The following SLC38A7 variants were observed in gnomAD, a reference collection of about 807,000 sequenced individuals.
The protein encoded by SLC38A7 is solute carrier family 38 member 7, also known as sodium-coupled neutral amino acid transporter 7.
Under a neutral mutation model 50.1 loss-of-function variants are expected in SLC38A7, and 29 were observed. The ratio of observed to expected loss-of-function variants is 0.58; its 90% CI spans 0.43 to 0.79. SLC38A7 has a LOEUF of 0.79. Among genes scored for constraint, SLC38A7 ranks in the 30% least tolerant of loss-of-function variants. SLC38A7 has a pLI of 0.00. For synonymous variants in SLC38A7, 244 were observed against 245.9 expected, an observed-to-expected ratio of 0.99 and a Z score of 0.07; for missense variants, 483 against 610.6, an observed-to-expected ratio of 0.79 and a Z score of 2.20.
At chr16:58,670,609 A>G (rs1310054942) in intron 10 of SLC38A7, among the ~76,000 whole-genome samples, 1 of 152,180 alleles carries the variant, frequency 6.6e-6, no homozygotes, top group Non-Finnish European at 1.5e-5. Context: ...CTGTGTCTGG[A>G]ACCCAGGTTC....
chr16:58,679,465 A>G (rs2044340283), intron 3 of SLC38A7: 2 of 466,850 alleles, frequency 4.3e-6, no homozygotes, highest in Non-Finnish European at 3.8e-6. Flanking sequence ...TGATCAATGC[A>G]TGGCCAACTT....
At chr16:58,669,778 C>T (rs951601800) in intron 11 of SLC38A7, among the ~76,000 whole-genome samples, 7 of 117,990 alleles carry the variant, frequency 5.9e-5, no homozygotes, top group East Asian at 5.1e-4. Flanking sequence ...AGTTCGAGAC[C>T]GGCCTGGCCA....
rs781390038 is a variant in SLC38A7 at position 58,667,386 on chromosome 16, T to A, written c.1388A>T (p.Ter463LeuextTer103). The stretch of plus-strand genomic sequence containing the variant: ...CTTGTGTTCCCTGGGAGGCAGTGGT[T>A]ATGCCAAGAGATCCACAAAGATGGC... ...ANAIFVDLLA[*>L] Residue 463 changes from the stop codon to leucine (L), a stop_lost, in exon 12 of 12, where the codon TAA (stop) becomes TTA (leucine). Transcript: ENST00000219320. 1 of 1,614,024 alleles carries A rather than the reference T, an allele frequency of 6.2e-7. No homozygotes were observed. Among genetic ancestry groups the A allele is most frequent in the Non-Finnish European group, 8.5e-7 (1 of 1,180,016 alleles).
rs759350057 is a variant in SLC38A7, at chr16:58,680,113, C to T, written c.14G>A (p.Ser5Asn). ...CCACTCGCTGTAGTCATTGTTGATG[C>T]TGACCTGGGCCATGGCCCCGAGAGC... MAQV[S>N]INNDYSEWDL... The change falls in exon 3 of 12, where the codon AGC (serine) becomes AAC (asparagine). Residue 5 changes from serine (S) to asparagine (N), a missense_variant. By Grantham distance (46) the Ser-to-Asn change is conservative. Coordinates refer to ENST00000219320, the MANE Select transcript of SLC38A7 (RefSeq NM_018231.3). 1.8e-5 allele frequency: 27 copies of T among 1,526,036 alleles called. No homozygotes were observed. In the South Asian group the frequency reaches 3.5e-4, roughly 20 times the overall value. The allele number at this position is 1,526,036 out of a possible 1,614,324, so 94.5% of individuals were successfully genotyped here.
chr16:58,675,347 A>G lies in SLC38A7; in HGVS notation c.883+593T>C, dbSNP rs1044870821. ...CATAGTGAGACCTTGTCTCTGCTAG[A>G]AAAAAAAAAAAAAAAAAATTAGCTG... On this transcript the variant is annotated intron_variant, in intron 8 of 11. Coordinates refer to ENST00000219320, the MANE Select transcript of SLC38A7 (RefSeq NM_018231.3). The G allele has an allele frequency of 3.5e-5, 4 of 113,766 alleles. No homozygotes were observed. In the East Asian group the frequency reaches 5.6e-4, roughly 16 times the overall value. 7.0% of individuals were successfully genotyped at this position (113,766 alleles called of 1,614,324 possible).
In SLC38A7 at chr16:58,678,723, T is replaced by C; in HGVS notation, c.442A>G (p.Ile148Val). The change falls in exon 4 of 12, where the codon ATC becomes GTC. Residue 148 changes from isoleucine (I) to valine (V), a missense_variant. Transcript: ENST00000219320. The surrounding 1 kb of genome is among the most constrained non-coding windows in gnomAD (Gnocchi z 4.0). The part of the protein sequence containing the change: ...YTFGTCIAFL[I>V]IIGDQQDKII... Reference sequence around the variant, plus strand: ...TTGTCCTGCTGGTCGCCAATGATGATTAGGAAGGCAATGCAGGTGCCAAAG... The same window carrying C: ...TTGTCCTGCTGGTCGCCAATGATGACTAGGAAGGCAATGCAGGTGCCAAAG... 1 of 1,614,038 alleles carries C rather than the reference T, an allele frequency of 6.2e-7. No individual in the cohort carries two copies. Among genetic ancestry groups the C allele is most frequent in the Non-Finnish European group, 8.5e-7 (1 of 1,179,994 alleles).
chr16:58,678,543 G>T lies in SLC38A7; in HGVS notation c.470-69C>A. 6.4e-7 allele frequency: 1 copy of T among 1,551,056 alleles called. No homozygotes were observed. On this transcript the variant is annotated intron_variant, in intron 4 of 11. Coordinates refer to ENST00000219320, the MANE Select transcript of SLC38A7 (RefSeq NM_018231.3). This position sits in a 1 kb window ranked among gnomAD's most constrained non-coding sequence, Gnocchi z 4.0. ...GGGTGTGGCCCTCCTGCTCTGCTGG[G>T]CCCCAGGACCTCCCTCTGCCTGGAG...
At chr16:58,673,368 T>G (rs1299294741) in intron 8 of SLC38A7, among the ~76,000 whole-genome samples, 1 of 151,954 alleles carries the variant, frequency 6.6e-6, no homozygotes, top group Non-Finnish European at 1.5e-5. Context: ...CCCGAGTAGC[T>G]GGGATTACAG....
chr16:58,671,149 A>G lies in SLC38A7; in HGVS notation c.1127T>C (p.Val376Ala). ...ERRRRVLQTLVWFLLTLLLAL... is the reference protein window; with the variant it reads ...ERRRRVLQTLAWFLLTLLLAL... Reference sequence around the variant, plus strand: ...CAGCAGCAGGGTGAGCAGGAACCAGACCAGCGTCTGCAGCACTCGCCGCCG... The same window carrying G: ...CAGCAGCAGGGTGAGCAGGAACCAGGCCAGCGTCTGCAGCACTCGCCGCCG... Residue 376 changes from valine to alanine, a missense_variant, in exon 10 of 12, where the codon GTC (valine) becomes GCC (alanine). Transcript: ENST00000219320. The G allele has an allele frequency of 6.2e-7, 1 of 1,613,918 alleles. No homozygotes were observed. The highest frequency in any genetic ancestry group is 8.5e-7 in the Non-Finnish European group (1 of 1,179,922).
chr16:58,676,403 C>A (rs2044267909), intron 6 of SLC38A7, 57 bp from the exon 7 acceptor site: 1 of 1,588,970 alleles, frequency 6.3e-7, no homozygotes, highest in African/African-American at 1.3e-5. Flanking sequence ...CCACAACCCA[C>A]CCCACGCCCT....
Position 58,679,704 on chromosome 16 carries a change from G to C in SLC38A7, c.270+153C>G, listed in dbSNP as rs780996241. On this transcript the variant is annotated intron_variant, in intron 3 of 11. Coordinates refer to ENST00000219320, the MANE Select transcript of SLC38A7 (RefSeq NM_018231.3). ...GAAGCCTCATTTGGGTCACAGGAAA[G>C]AATACTAGAATAGATTAGTCATGTC... 4.4e-5 allele frequency: 44 copies of C among 1,000,924 alleles called. No individual in the cohort carries two copies. In the African/African-American group the frequency reaches 5.6e-4, roughly 13 times the overall value. The allele number at this position is 1,000,924 out of a possible 1,614,324, so 62.0% of individuals were successfully genotyped here.
intron 6 of SLC38A7, 77 bp from the exon 7 acceptor site, chr16:58,676,423 G>C: frequency 6.6e-7 from 1 of 1,516,622 alleles, no homozygotes; most frequent in Non-Finnish European, 9.1e-7. Flanking sequence ...TCACTCTTCG[G>C]TCAGCCCACC....
At chr16:58,670,503 GC>G (rs2044138283) in intron 10 of SLC38A7, among the ~76,000 whole-genome samples, 1 of 152,246 alleles carries the variant, frequency 6.6e-6, no homozygotes, top group African/African-American at 2.4e-5. Context: ...AGCAGCTGGG[GC>G]TTTCAGGGTG....
At chr16:58,673,493 G>T (rs2044197264) in intron 8 of SLC38A7, among the ~76,000 whole-genome samples, 1 of 151,840 alleles carries the variant, frequency 6.6e-6, no homozygotes, top group African/African-American at 2.4e-5. Flanking sequence ...CTCGGGAAGT[G>T]CTGGGATTAC....
At position 58,680,153 on chromosome 16, in the gene SLC38A7, G is replaced by T; in HGVS notation, c.-27C>A. 1 of 1,509,664 alleles carries T rather than the reference G, an allele frequency of 6.6e-7. No homozygotes were observed. Among genetic ancestry groups the T allele is most frequent in the Non-Finnish European group, 8.9e-7 (1 of 1,129,166 alleles). 93.5% of individuals were successfully genotyped at this position (1,509,664 alleles called of 1,614,324 possible). ...GCCCCGAGAGCCTTCTTCCTGCAAG[G>T]TCTGTGGGTTCTGCCTTACAACCAC... On this transcript the variant is annotated 5_prime_UTR_variant, in exon 3 of 12. Coordinates refer to ENST00000219320, the MANE Select transcript of SLC38A7 (RefSeq NM_018231.3).
intron 5 of SLC38A7, chr16:58,677,718 T>A: frequency 2.5e-6 from 1 of 402,768 alleles, no homozygotes; most frequent in Non-Finnish European, 4.7e-6. Flanking sequence ...AAAGCACACC[T>A]GGGACTTGAA....
rs1448638567 is a variant in SLC38A7 at position 58,667,351 on chromosome 16, T to C, written c.*34A>G. ...CTAAGAGATGGGTTCCTGCGACCAA[T>C]GGCAAAGGCCTTGTGTTCCCTGGGA... is the stretch of plus-strand genomic sequence containing the variant. On this transcript the variant is annotated 3_prime_UTR_variant, in exon 12 of 12. Coordinates refer to ENST00000219320, the MANE Select transcript of SLC38A7 (RefSeq NM_018231.3). The C allele has an allele frequency of 4.4e-6, 7 of 1,605,784 alleles. No homozygotes were observed. Among genetic ancestry groups the C allele is most frequent in the Non-Finnish European group, 5.1e-6 (6 of 1,172,816 alleles).
intron 9 of SLC38A7, chr16:58,671,458 A>C (rs2044157654): frequency 1.7e-6 from 1 of 594,400 alleles, no homozygotes; most frequent in Non-Finnish European, 3.0e-6. Flanking sequence ...GCTTTACATC[A>C]CATGGAAACT....
At chr16:58,681,759 C>T (rs1419450114) in intron 2 of SLC38A7, 1 of 152,264 alleles carries the variant, frequency 6.6e-6, no homozygotes, top group Non-Finnish European at 1.5e-5. Context: ...AATAAATGGT[C>T]ACTGCTGCTG....
Sources: allele counts gnomAD v4.1 joint callset (sites outside exome capture counted in the v4.1 genomes callset), GRCh38; gene constraint gnomAD v4.1.1; non-coding constraint Gnocchi (gnomAD v3.1); transcripts MANE v1.5; gene names NCBI Gene and HGNC (gene_info 2026-07-23, HGNC 2026-07-21).